Variants in NCALD observed in about 807,000 individuals in gnomAD.
The protein encoded by NCALD is neurocalcin-delta.
In NCALD, 10 loss-of-function variants were observed where a neutral mutation model predicts 18.6. The observed-to-expected ratio is 0.54, with a 90% CI of 0.33 to 0.91. The LOEUF (loss-of-function observed/expected upper bound fraction) is 0.91, where lower values mean the gene tolerates loss of function less well. Ranked by LOEUF, NCALD falls within the 40% of genes least tolerant of loss-of-function variation. NCALD has a pLI of 0.03. For missense variants in NCALD, 184 were observed against 247.6 expected (o/e 0.74, Z 1.72); for synonymous variants, 88 against 87.4 (o/e 1.01, Z -0.04).
At chr8:101,930,191 G>C (rs1407805315) in intron 2 of NCALD, among the ~76,000 whole-genome samples, 1 of 151,972 alleles carries the variant, frequency 6.6e-6, no homozygotes, top group African/African-American at 2.4e-5. Flanking sequence ...CAATAATCCA[G>C]AAAAATAACA....
At chr8:101,760,762 G>T (rs755420875) in intron 1 of NCALD, among the ~76,000 whole-genome samples, 2 of 152,114 alleles carry the variant, frequency 1.3e-5, no homozygotes, top group Admixed American at 1.3e-4. Flanking sequence ...AGTTAATGAA[G>T]TTAAGTCATG....
intron 1 of NCALD, among the ~76,000 whole-genome samples, chr8:101,785,104 A>C (rs1323578843): frequency 6.6e-6 from 1 of 152,202 alleles, no homozygotes; most frequent in Non-Finnish European, 1.5e-5. Context: ...CTTGTGTGAC[A>C]CTCAGCAATT....
At chr8:102,119,392 G>A (rs1825880581) in intron 1 of NCALD, among the ~76,000 whole-genome samples, 1 of 152,140 alleles carries the variant, frequency 6.6e-6, no homozygotes, top group African/African-American at 2.4e-5. Context: ...TAGAATAGTG[G>A]TTGCCAGAGG....
At chr8:102,026,613 C>T (rs992118170) in intron 1 of NCALD, among the ~76,000 whole-genome samples, 1 of 152,302 alleles carries the variant, frequency 6.6e-6, no homozygotes, top group East Asian at 1.9e-4. Context: ...GCTTCCTTCA[C>T]AGGCTGGTGT....
At chr8:101,893,015 C>T (rs1330903295) in intron 3 of NCALD, among the ~76,000 whole-genome samples, 10 of 148,916 alleles carry the variant, frequency 6.7e-5, no homozygotes, top group South Asian at 2.1e-4. Context: ...ACAGAGAACG[C>T]CACAAAGATA....
At chr8:102,048,391 G>A (rs1245657365) in intron 1 of NCALD, among the ~76,000 whole-genome samples, 5 of 152,156 alleles carry the variant, frequency 3.3e-5, no homozygotes, top group East Asian at 1.9e-4. Context: ...TAACTCAGAT[G>A]TGGCTTCCCT....
intron 3 of NCALD, among the ~76,000 whole-genome samples, chr8:101,908,570 C>T (rs117329899): frequency 3.9e-5 from 6 of 152,188 alleles, no homozygotes; most frequent in Non-Finnish European, 8.8e-5. Flanking sequence ...CATATGATCA[C>T]GGGTGTTATT....
intron 2 of NCALD, among the ~76,000 whole-genome samples, chr8:101,965,403 G>A (rs1367136960): frequency 6.6e-6 from 1 of 152,150 alleles, no homozygotes; most frequent in African/African-American, 2.4e-5. Context: ...AGAAAATGTG[G>A]CACATATATA....
intron 2 of NCALD, among the ~76,000 whole-genome samples, chr8:101,988,317 C>A (rs1198292242): frequency 3.3e-5 from 5 of 152,064 alleles, no homozygotes; most frequent in Non-Finnish European, 2.9e-5. Context: ...TTAACATATG[C>A]ATGTATGCGT....
chr8:101,961,172 TGCTA>T (rs1214937646), intron 2 of NCALD, among the ~76,000 whole-genome samples: 1 of 152,144 alleles, frequency 6.6e-6, no homozygotes, highest in Non-Finnish European at 1.5e-5. Flanking sequence ...AATAAATGAA[TGCTA>T]GCTATTACAG....
chr8:101,862,437 T>C (rs139462305), intron 4 of NCALD, among the ~76,000 whole-genome samples: 275 of 152,324 alleles, frequency 1.8e-3, no homozygotes, highest in Non-Finnish European at 3.2e-3. Context: ...CCATGAAGCC[T>C]CCTTAGTCTT....
At chr8:101,793,470 T>C (rs1812524716), upstream of NCALD, among the ~76,000 whole-genome samples, 1 of 152,182 alleles carries the variant, frequency 6.6e-6, no homozygotes, top group Non-Finnish European at 1.5e-5. Context: ...GTAATTTGCC[T>C]ACCTACTCAT....
At chr8:101,985,134 C>T (rs76564209) in intron 2 of NCALD, among the ~76,000 whole-genome samples, 10 of 152,146 alleles carry the variant, frequency 6.6e-5, no homozygotes, top group Non-Finnish European at 1.0e-4. Context: ...TTTGGAACTC[C>T]GCCGCCATGC....
intron 1 of NCALD, among the ~76,000 whole-genome samples, chr8:101,731,953 G>A (rs1360616613): frequency 6.6e-6 from 1 of 152,224 alleles, no homozygotes; most frequent in Non-Finnish European, 1.5e-5. Flanking sequence ...AAAGGCTTCA[G>A]ATGAAGTCCA....
intron 2 of NCALD, among the ~76,000 whole-genome samples, chr8:101,985,167 G>A (rs1408814066): frequency 6.6e-6 from 1 of 152,182 alleles, no homozygotes; most frequent in African/African-American, 2.4e-5. Context: ...AACAAGCCAT[G>A]GAGGGGTGCA....
At position 102,102,099 on chromosome 8, in the gene NCALD, A is replaced by G. The variant is rs557233972; in HGVS notation, c.-210+22138T>C. On this transcript the variant is annotated intron_variant, in intron 1 of 6. Transcript: ENST00000311028. ...ATTATTGCTATACTGTAAATGAAGC[A>G]CATAATGTCTTTTGAGTAAGAATGT... 5.9e-5 allele frequency among the ~76,000 whole-genome samples: 9 copies of G among 152,364 alleles called. 1 individual carries two copies. The South Asian group carries it at 1.9e-3, about 32-fold the overall frequency.
At chr8:101,729,499 G>A (rs1421224867) in intron 1 of NCALD, among the ~76,000 whole-genome samples, 2 of 152,132 alleles carry the variant, frequency 1.3e-5, no homozygotes, top group Admixed American at 6.5e-5. Flanking sequence ...TCTTCCCAGC[G>A]AGGCTGGGCA....
intron 2 of NCALD, among the ~76,000 whole-genome samples, chr8:102,011,265 G>A (rs905626516): frequency 6.6e-6 from 1 of 152,102 alleles, no homozygotes; most frequent in South Asian, 2.1e-4. Flanking sequence ...ATCTGAGAAC[G>A]TTATGAACTC....
intron 1 of NCALD, among the ~76,000 whole-genome samples, chr8:101,726,658 C>T (rs117002766): frequency 8.5e-5 from 13 of 152,158 alleles, no homozygotes; most frequent in African/African-American, 2.7e-4. Flanking sequence ...CCTGAGATGC[C>T]TATTACACAT....
Sources: allele counts gnomAD v4.1 joint callset (sites outside exome capture counted in the v4.1 genomes callset), GRCh38; gene constraint gnomAD v4.1.1; transcripts MANE v1.5; gene names NCBI Gene and HGNC (gene_info 2026-07-23, HGNC 2026-07-21).